The following MEIS2 variants were observed in gnomAD, a reference collection of about 807,000 sequenced individuals.
MEIS2 encodes Meis homeobox 2, also known as homeobox protein Meis2.
Under a neutral mutation model 58.6 loss-of-function variants are expected in MEIS2, and 9 were observed. The observed-to-expected ratio is 0.15, with a 90% CI of 0.09 to 0.27. The LOEUF (loss-of-function observed/expected upper bound fraction) is 0.27, where lower values mean the gene tolerates loss of function less well. MEIS2 is among the 10% of genes least tolerant of loss of function. MEIS2 has a pLI of 1.00. For synonymous variants in MEIS2, 221 were observed against 228.4 expected (o/e 0.97, Z 0.29); for missense variants, 427 against 635.0 (o/e 0.67, Z 3.52).
chr15:37,097,236 C>T (rs1354511621), intron 2 of MEIS2: 3 of 152,296 alleles, frequency 2.0e-5, no homozygotes, highest in Admixed American at 6.5e-5. Context: ...CCCACTGTCC[C>T]CTCCCCTCGG....
At chr15:37,013,060 T>A (rs988593901) in intron 8 of MEIS2, among the ~76,000 whole-genome samples, 3 of 152,164 alleles carry the variant, frequency 2.0e-5, no homozygotes, top group Non-Finnish European at 4.4e-5. Flanking sequence ...AGTCAAAATG[T>A]TGATTCTTCT....
At chr15:36,895,041 C>T in intron 11 of MEIS2, 110 bp downstream of exon 11, 1 of 1,000,744 alleles carries the variant, frequency 1.0e-6, no homozygotes, top group Non-Finnish European at 1.5e-6. Context: ...GAGCAGGCAG[C>T]AGGCAAATGT....
At chr15:37,035,565 C>T (rs1405157968) in intron 8 of MEIS2, among the ~76,000 whole-genome samples, 4 of 152,158 alleles carry the variant, frequency 2.6e-5, no homozygotes, top group Non-Finnish European at 4.4e-5. Flanking sequence ...AGTGCAGGGC[C>T]CTGACCTTTG....
chr15:36,908,845 A>G (rs1231369536), intron 9 of MEIS2, among the ~76,000 whole-genome samples: 3 of 152,200 alleles, frequency 2.0e-5, no homozygotes, highest in African/African-American at 7.2e-5. Flanking sequence ...AGGCTGAGGC[A>G]GGAGAATCGC....
At chr15:36,953,807 T>C (rs2058851820) in intron 8 of MEIS2, among the ~76,000 whole-genome samples, 1 of 152,214 alleles carries the variant, frequency 6.6e-6, no homozygotes, top group Non-Finnish European at 1.5e-5. Context: ...GCTATCTTTA[T>C]TCAAGATAGT....
intron 8 of MEIS2, among the ~76,000 whole-genome samples, chr15:37,008,785 T>G (rs1320009396): frequency 6.6e-6 from 1 of 152,202 alleles, no homozygotes; most frequent in Non-Finnish European, 1.5e-5. Flanking sequence ...AAGCATCACA[T>G]AAGTGCCAGA....
At chr15:36,912,033 A>G (rs1444995032) in intron 9 of MEIS2, among the ~76,000 whole-genome samples, 1 of 148,226 alleles carries the variant, frequency 6.7e-6, no homozygotes, top group Non-Finnish European at 1.5e-5. Context: ...AACATATATT[A>G]ACTGGCTATA....
At chr15:37,077,492 C>T (rs1891570102) in intron 7 of MEIS2, among the ~76,000 whole-genome samples, 1 of 151,700 alleles carries the variant, frequency 6.6e-6, no homozygotes, top group Non-Finnish European at 1.5e-5. Context: ...TCCCTCATGG[C>T]AGAAAGCACA....
chr15:36,986,147 T>TTCTC (rs1177132619), intron 8 of MEIS2, among the ~76,000 whole-genome samples: 23 of 152,182 alleles, frequency 1.5e-4, no homozygotes, highest in Admixed American at 7.2e-4. Flanking sequence ...GATGATCAAG[T>TTCTC]CCTCCTTTTC....
At chr15:36,892,738 T>C (rs1326784095) in intron 11 of MEIS2, among the ~76,000 whole-genome samples, 2 of 152,342 alleles carry the variant, frequency 1.3e-5, no homozygotes, top group Admixed American at 1.3e-4. Flanking sequence ...ATTCAGTACA[T>C]TTCTTTGATA....
intron 7 of MEIS2, among the ~76,000 whole-genome samples, chr15:37,042,303 G>A (rs969816797): frequency 4.6e-5 from 7 of 152,208 alleles, no homozygotes; most frequent in Non-Finnish European, 1.0e-4. Context: ...GCTATGATGA[G>A]TCTGATACCA....
chr15:36,908,222 A>C (rs539287672), intron 9 of MEIS2, among the ~76,000 whole-genome samples: 1 of 152,334 alleles, frequency 6.6e-6, no homozygotes, highest in South Asian at 2.1e-4. Context: ...TATCTTCTCC[A>C]GAGATGTTAT....
chr15:36,895,901 G>T lies in MEIS2; in HGVS notation c.1037-640C>A, dbSNP rs571146195. ...TAAAATCTCCATCAAGTTTAACACC[G>T]TTGTTAGTGGCAGCAGTCATCACCC... On this transcript the variant is annotated intron_variant, in intron 10 of 11. Transcript: ENST00000561208. Among the ~76,000 whole-genome samples the T allele has an allele frequency of 1.2e-4, 18 of 152,266 alleles. No homozygotes were observed. In the East Asian group the frequency reaches 3.3e-3, roughly 28 times the overall value.
intron 8 of MEIS2, among the ~76,000 whole-genome samples, chr15:36,978,727 A>T (rs1015322906): frequency 6.6e-6 from 1 of 152,198 alleles, no homozygotes; most frequent in Non-Finnish European, 1.5e-5. Flanking sequence ...CATACTGCAT[A>T]TACTCTTTTC....
intron 9 of MEIS2, among the ~76,000 whole-genome samples, chr15:36,901,523 G>A (rs959150257): frequency 4.6e-5 from 7 of 152,112 alleles, no homozygotes; most frequent in African/African-American, 7.2e-5. Flanking sequence ...ACAGACAACC[G>A]TGAGCAAAGT....
intron 7 of MEIS2, among the ~76,000 whole-genome samples, chr15:37,082,433 G>C (rs1596097041): frequency 6.6e-6 from 1 of 152,060 alleles, no homozygotes; most frequent in Non-Finnish European, 1.5e-5. Flanking sequence ...TGGAGTCATA[G>C]AAAGCTTTCC....
At chr15:36,998,785 C>T (rs577173255) in intron 8 of MEIS2, among the ~76,000 whole-genome samples, 6 of 152,162 alleles carry the variant, frequency 3.9e-5, no homozygotes, top group Non-Finnish European at 8.8e-5. Context: ...TTACGCCAAA[C>T]GTTTCATTCA....
chr15:36,940,944 CA>C (rs2058352595), intron 9 of MEIS2, among the ~76,000 whole-genome samples: 1 of 152,144 alleles, frequency 6.6e-6, no homozygotes, highest in South Asian at 2.1e-4. Context: ...GACATTGCTT[CA>C]GTAATTTCAT....
intron 8 of MEIS2, among the ~76,000 whole-genome samples, chr15:36,987,672 C>T (rs2060136918): frequency 6.6e-6 from 1 of 152,076 alleles, no homozygotes; most frequent in Admixed American, 6.6e-5. Context: ...CATCATAACA[C>T]TTTGATGGCA....
Sources: allele counts gnomAD v4.1 joint callset (sites outside exome capture counted in the v4.1 genomes callset), GRCh38; gene constraint gnomAD v4.1.1; transcripts MANE v1.5; gene names NCBI Gene and HGNC (gene_info 2026-07-23, HGNC 2026-07-21).